The following PCDHA6 variants were observed in gnomAD, a reference collection of about 807,000 sequenced individuals.
The protein encoded by PCDHA6 is protocadherin alpha 6.
Under a neutral mutation model 60.3 loss-of-function variants are expected in PCDHA6, and 55 were observed. The observed-to-expected ratio is 0.91, with a 90% CI of 0.73 to 1.14. PCDHA6 has a LOEUF of 1.14. Ranked by LOEUF, PCDHA6 falls within the 50% of genes most tolerant of loss-of-function variation. PCDHA6 has a pLI of 0.00. For synonymous variants in PCDHA6, 652 were observed against 557.9 expected, an observed-to-expected ratio of 1.17 and a Z score of -2.38; for missense variants, 1,327 against 1,256.5, an observed-to-expected ratio of 1.06 and a Z score of -0.85.
intron 1 of PCDHA6, among the ~76,000 whole-genome samples, chr5:140,962,815 A>C (rs782313534): frequency 3.3e-5 from 5 of 152,242 alleles, no homozygotes; most frequent in Non-Finnish European, 7.3e-5. Flanking sequence ...AACATCAGAG[A>C]TGACCATTTG....
chr5:140,849,776 G>C, intron 1 of PCDHA6: 1 of 1,598,464 alleles, frequency 6.3e-7, no homozygotes, highest in Non-Finnish European at 8.6e-7. Context: ...TGGTTACCGC[G>C]CGGGACGGGG....
chr5:140,877,558 A>G (rs782179941), intron 1 of PCDHA6: 7 of 1,613,628 alleles, frequency 4.3e-6, no homozygotes, highest in Non-Finnish European at 5.9e-6. Flanking sequence ...TCTGGTGGAT[A>G]TTAACGTGTA....
chr5:140,857,165 G>A (rs1554149609), intron 1 of PCDHA6: 2 of 1,598,302 alleles, frequency 1.3e-6, no homozygotes, highest in African/African-American at 2.7e-5. Flanking sequence ...CCTAATCAGC[G>A]TTTCTGACCA....
At chr5:140,850,060 C>T (rs2150465360) in intron 1 of PCDHA6, 8 of 1,596,516 alleles carry the variant, frequency 5.0e-6, no homozygotes, top group East Asian at 4.5e-5. Flanking sequence ...GCGCTGCAGC[C>T]GTTGGACCAC....
At chr5:140,948,351 A>G (rs951541212) in intron 1 of PCDHA6, among the ~76,000 whole-genome samples, 1 of 151,646 alleles carries the variant, frequency 6.6e-6, no homozygotes, top group East Asian at 1.9e-4. Flanking sequence ...TTCTAACCTA[A>G]TAAAATGACT....
At chr5:140,877,792 C>T (rs782259804) in intron 1 of PCDHA6, 1 of 1,614,004 alleles carries the variant, frequency 6.2e-7, no homozygotes, top group Non-Finnish European at 8.5e-7. Context: ...GGCCTTCAGC[C>T]CAAGCCTTCA....
rs185567567 is a variant in PCDHA6, at chr5:140,888,396, T to C, written c.2394+57911T>C. 3.4e-3 allele frequency among the ~76,000 whole-genome samples: 514 copies of C among 152,282 alleles called. 3 individuals are homozygous for C. The highest frequency in any genetic ancestry group is 0.014 in the Middle Eastern group (4 of 294). On this transcript the variant is annotated intron_variant, in intron 1 of 3. Coordinates refer to ENST00000529310, the MANE Select transcript of PCDHA6 (RefSeq NM_018909.4). The stretch of plus-strand genomic sequence containing the variant: ...AGCTCTGAGATGCTGCTAAACACCA[T>C]CCAATTGCTGCCAAACATCCTACCG...
intron 1 of PCDHA6, among the ~76,000 whole-genome samples, chr5:140,932,235 G>A (rs372410374): frequency 4.0e-5 from 6 of 151,638 alleles, no homozygotes; most frequent in African/African-American, 1.5e-4. Context: ...TTTTAGAATG[G>A]TATCTAAGAG....
intron 1 of PCDHA6, among the ~76,000 whole-genome samples, chr5:140,945,974 A>C (rs887994156): frequency 6.6e-5 from 10 of 152,146 alleles, no homozygotes; most frequent in African/African-American, 2.2e-4. Flanking sequence ...AATAAAAGCA[A>C]AAATAGACTA....
intron 1 of PCDHA6, chr5:140,842,821 C>A (rs782174276): frequency 1.9e-6 from 3 of 1,593,534 alleles, no homozygotes; most frequent in East Asian, 2.2e-5. Context: ...GGCGGGTGGG[C>A]GAGCGCTCGC....
chr5:140,916,165 G>A (rs567070534), intron 1 of PCDHA6, among the ~76,000 whole-genome samples: 1 of 152,224 alleles, frequency 6.6e-6, no homozygotes, highest in East Asian at 1.9e-4. Context: ...AATGCTGCCA[G>A]GCCTGGGACT....
intron 1 of PCDHA6, among the ~76,000 whole-genome samples, chr5:140,941,191 T>TTTTTTCTTTC (rs1554213809): frequency 1.1e-5 from 1 of 93,206 alleles, no homozygotes; most frequent in Non-Finnish European, 2.3e-5. Flanking sequence ...GCTTCTTTTT[T>TTTTTTCTTTC]TTTCTTTCTT....
chr5:140,869,106 G>A (rs1300691956), intron 1 of PCDHA6: 1 of 1,602,672 alleles, frequency 6.2e-7, no homozygotes, highest in Non-Finnish European at 8.5e-7. Flanking sequence ...CGTATGCGAT[G>A]TTTGGTTTTC....
At chr5:140,883,219 A>G (rs1416740017) in intron 1 of PCDHA6, 1 of 1,613,942 alleles carries the variant, frequency 6.2e-7, no homozygotes, top group Non-Finnish European at 8.5e-7. Flanking sequence ...AATTATATGA[A>G]ATATCCGTGG....
At chr5:140,944,928 C>A (rs1554216614) in intron 1 of PCDHA6, among the ~76,000 whole-genome samples, 1 of 152,074 alleles carries the variant, frequency 6.6e-6, no homozygotes, top group Non-Finnish European at 1.5e-5. Flanking sequence ...TTGGTTTATG[C>A]CTTCTTTAGA....
At chr5:140,970,758 A>T (rs1217450283) in intron 1 of PCDHA6, among the ~76,000 whole-genome samples, 2 of 152,232 alleles carry the variant, frequency 1.3e-5, no homozygotes, top group East Asian at 3.8e-4. Flanking sequence ...ATTTTCATTG[A>T]CATATTGCTG....
intron 1 of PCDHA6, chr5:140,841,290 T>C (rs2150312636): frequency 6.4e-7 from 1 of 1,558,300 alleles, no homozygotes. Flanking sequence ...TATATTAAGA[T>C]AATATTTTCT....
At chr5:141,004,637 A>G (rs149340406) in intron 3 of PCDHA6, among the ~76,000 whole-genome samples, 1,579 of 152,220 alleles carry the variant, frequency 0.01, 12 homozygotes, top group Middle Eastern at 0.058. Flanking sequence ...TTGAAGAAAA[A>G]TTTCCATTTT....
In PCDHA6 at chr5:140,829,721, C is replaced by T; in HGVS notation, c.1630C>T (p.Pro544Ser). The T allele has an allele frequency of 1.2e-6, 2 of 1,613,590 alleles. No individual in the cohort carries two copies. The highest frequency in any genetic ancestry group is 1.7e-6 in the Non-Finnish European group (2 of 1,179,874). Residue 544 changes from proline (P) to serine (S), a missense_variant, in exon 1 of 4, where the codon CCT becomes TCT. Pro to Ser is a moderately conservative substitution (Grantham distance 74). Transcript: ENST00000529310. ...QVSARDAGVP[P>S]LGSNVTLQVF... Reference sequence around the variant, plus strand: ...GAGCGCGCGCGACGCGGGCGTGCCGCCTCTGGGCAGCAACGTGACGCTGCA... The same window carrying T: ...GAGCGCGCGCGACGCGGGCGTGCCGTCTCTGGGCAGCAACGTGACGCTGCA...
Sources: allele counts gnomAD v4.1 joint callset (sites outside exome capture counted in the v4.1 genomes callset), GRCh38; gene constraint gnomAD v4.1.1; transcripts MANE v1.5; gene names NCBI Gene and HGNC (gene_info 2026-07-23, HGNC 2026-07-21).